The following PDE1A variants were observed in gnomAD, a reference collection of about 807,000 sequenced individuals.
PDE1A encodes phosphodiesterase 1A.
In PDE1A, 35 loss-of-function variants were observed where a neutral mutation model predicts 61.7. The ratio of observed to expected loss-of-function variants is 0.57; its 90% confidence interval spans 0.43 to 0.75. PDE1A has a LOEUF of 0.75. Ranked by LOEUF, PDE1A falls within the 30% of genes least tolerant of loss-of-function variation. PDE1A has a pLI of 0.00. For synonymous variants in PDE1A, 232 were observed against 213.2 expected (o/e 1.09, Z -0.77); for missense variants, 597 against 630.6 (o/e 0.95, Z 0.57).
At chr2:182,700,720 T>TA in the PDE1A span, among the ~76,000 whole-genome samples, 1 of 7,630 alleles carries the variant, frequency 1.3e-4, no homozygotes, top group African/African-American at 1.5e-3. Flanking sequence ...AGACTCCATC[T>TA]CAAAAAAAAA....
chr2:182,379,419 G>C (rs1332100007), intron 1 of PDE1A, among the ~76,000 whole-genome samples: 1 of 152,176 alleles, frequency 6.6e-6, no homozygotes, highest in African/African-American at 2.4e-5. Flanking sequence ...AAAGCACATG[G>C]CCCTTGCTGA....
At chr2:182,442,836 C>A (rs1388260097) in intron 2 of PDE1A, among the ~76,000 whole-genome samples, 2 of 151,964 alleles carry the variant, frequency 1.3e-5, no homozygotes, top group Non-Finnish European at 1.5e-5. Context: ...AATGTTGTAT[C>A]TTACAATAAA....
the PDE1A span, among the ~76,000 whole-genome samples, chr2:182,533,292 C>T: frequency 6.6e-6 from 1 of 152,184 alleles, no homozygotes; most frequent in Non-Finnish European, 1.5e-5. Context: ...GCCTGGGTGA[C>T]AGAGCGAGAC....
chr2:182,668,699 C>T, the PDE1A span, among the ~76,000 whole-genome samples: 1 of 152,142 alleles, frequency 6.6e-6, no homozygotes, highest in Admixed American at 6.5e-5. Flanking sequence ...CCTGCCACAG[C>T]CCTTCTCAGC....
intron 1 of PDE1A, among the ~76,000 whole-genome samples, chr2:182,338,462 C>T (rs1190482999): frequency 6.6e-6 from 1 of 152,188 alleles, no homozygotes. Flanking sequence ...AACCACTTTA[C>T]TCATCACAAT....
chr2:182,284,111 G>C (rs1694004688), intron 1 of PDE1A, among the ~76,000 whole-genome samples: 1 of 152,092 alleles, frequency 6.6e-6, no homozygotes, highest in Non-Finnish European at 1.5e-5. Context: ...GGGAGAACAA[G>C]AGGCAGTAAG....
chr2:182,241,907 T>G, intron 2 of PDE1A: 1 of 1,533,870 alleles, frequency 6.5e-7, no homozygotes. Context: ...GTTTATCTTT[T>G]TGCCCATTTG....
chr2:182,410,206 T>A lies in PDE1A; in HGVS notation c.53+16372A>T, dbSNP rs544701888. On this transcript the variant is annotated intron_variant, in intron 1 of 13. Coordinates refer to ENST00000351439, the Ensembl canonical transcript of PDE1A. ...GTTTCTACAATTTAAAAAAGAAAAA[T>A]TTTTTTTTTAATTAGCTAGGCATGG... Among the ~76,000 whole-genome samples the A allele has an allele frequency of 9.6e-4, 144 of 150,394 alleles. 1 individual carries two copies. The South Asian group carries it at 0.015, about 15-fold the overall frequency.
intron 7 of PDE1A, among the ~76,000 whole-genome samples, chr2:182,217,996 A>T (rs1174517510): frequency 6.6e-6 from 1 of 150,396 alleles, no homozygotes; most frequent in Non-Finnish European, 1.5e-5. Context: ...ACTATTCACA[A>T]TAGCAAAGAC....
intron 2 of PDE1A, among the ~76,000 whole-genome samples, chr2:182,480,648 A>C (rs1559500744): frequency 6.6e-6 from 1 of 151,952 alleles, no homozygotes; most frequent in East Asian, 1.9e-4. Flanking sequence ...AGATGATTTA[A>C]AGTATACAGG....
chr2:182,232,395 G>T (rs1689655683), intron 4 of PDE1A, among the ~76,000 whole-genome samples: 1 of 152,154 alleles, frequency 6.6e-6, no homozygotes, highest in Non-Finnish European at 1.5e-5. Flanking sequence ...TTTTCTATTT[G>T]AGTAGGCACG....
At chr2:182,681,511 C>T in the PDE1A span, among the ~76,000 whole-genome samples, 1 of 150,836 alleles carries the variant, frequency 6.6e-6, no homozygotes, top group African/African-American at 2.4e-5. Flanking sequence ...CAAAAAAAAC[C>T]TGACAGCTGA....
the PDE1A span, among the ~76,000 whole-genome samples, chr2:182,707,899 G>A: frequency 6.6e-6 from 1 of 152,082 alleles, no homozygotes; most frequent in South Asian, 2.1e-4. Context: ...GGTAAGATAC[G>A]CAAAGTTACA....
At chr2:182,397,402 A>T (rs1278247543) in intron 1 of PDE1A, among the ~76,000 whole-genome samples, 2 of 152,190 alleles carry the variant, frequency 1.3e-5, no homozygotes, top group African/African-American at 4.8e-5. Flanking sequence ...AACACCATTT[A>T]TATGACACAT....
rs531815067 is a variant in PDE1A at position 182,436,209 on chromosome 2, C to G, written c.101+86067G>C. Among the ~76,000 whole-genome samples, 8 of 152,152 alleles carry G rather than the reference C, an allele frequency of 5.3e-5. No individual in the cohort carries two copies. In the East Asian group the frequency reaches 1.5e-3, roughly 29 times the overall value. ...AAAACTCATTCTAGTTTCAGCTTTT[C>G]TCTTTGCTTCTATGGAATACTCCCT... On this transcript the variant is annotated intron_variant, in intron 2 of 14. Coordinates refer to the PDE1A transcript ENST00000410103.
intron 1 of PDE1A, among the ~76,000 whole-genome samples, chr2:182,330,375 T>C (rs1697327564): frequency 6.6e-6 from 1 of 152,020 alleles, no homozygotes; most frequent in Admixed American, 6.6e-5. Flanking sequence ...CAGTTATTTC[T>C]TGGGTTACAG....
intron 1 of PDE1A, among the ~76,000 whole-genome samples, chr2:182,361,534 G>A (rs954781756): frequency 4.6e-5 from 7 of 151,926 alleles, no homozygotes; most frequent in Admixed American, 6.6e-5. Flanking sequence ...AGAGGATAAG[G>A]AAAAAATATG....
intron 1 of PDE1A, among the ~76,000 whole-genome samples, chr2:182,353,189 C>T (rs1564542): frequency 0.18 from 27,546 of 152,124 alleles, 3,243 homozygotes; most frequent in East Asian, 0.46. Flanking sequence ...TGTTCTGTTT[C>T]GTCTGTCTTC....
At chr2:182,533,677 A>C in the PDE1A span, among the ~76,000 whole-genome samples, 107,377 of 151,976 alleles carry the variant, frequency 0.71, 41,215 homozygotes, top group East Asian at 0.99. Context: ...TGATTAGAAT[A>C]ATTACAATGG....
Sources: allele counts gnomAD v4.1 joint callset (sites outside exome capture counted in the v4.1 genomes callset), GRCh38; gene constraint gnomAD v4.1.1; transcripts MANE v1.5; gene names NCBI Gene and HGNC (gene_info 2026-07-23, HGNC 2026-07-21).